SPTLC2: variants seen among roughly 807,000 people sequenced by gnomAD.
SPTLC2 encodes the protein serine palmitoyltransferase 2.
SPTLC2 carries 21 observed loss-of-function variants against 62.0 expected under a neutral mutation model. The ratio of observed to expected loss-of-function variants is 0.34; its 90% CI spans 0.24 to 0.49. SPTLC2 has a LOEUF of 0.49. SPTLC2 is among the 20% of genes least tolerant of loss of function. The probability of loss-of-function intolerance (pLI) is 0.99; values close to 1 mark genes in which losing one functional copy is unlikely to be tolerated. For missense variants in SPTLC2, 511 were observed against 713.0 expected (o/e 0.72, Z 3.23); for synonymous variants, 261 against 261.8 (o/e 1.00, Z 0.03).
intron 6 of SPTLC2, among the ~76,000 whole-genome samples, chr14:77,560,171 T>A (rs1198873391): frequency 3.3e-5 from 5 of 152,206 alleles, no homozygotes; most frequent in Admixed American, 3.3e-4. Context: ...GTAGGAACAG[T>A]CAATCTCATG....
rs892275554 is a variant in SPTLC2 at position 77,511,973 on chromosome 14, G to A, written c.*311C>T. 13 of 373,850 alleles carry A rather than the reference G, an allele frequency of 3.5e-5. No individual in the cohort carries two copies. Among genetic ancestry groups the A allele is most frequent in the Non-Finnish European group, 6.7e-5 (13 of 193,870 alleles). 23.2% of individuals were successfully genotyped at this position (373,850 alleles called of 1,614,324 possible). On this transcript the variant is annotated 3_prime_UTR_variant, in exon 12 of 12. Transcript: ENST00000216484. The stretch of plus-strand genomic sequence containing the variant: ...GAGAGGGGAATGGCCTGTGTGGTTA[G>A]CCAGAGACAGGCTAGGGTCAGCGTG...
chr14:77,581,007 G>A (rs78889789), intron 2 of SPTLC2, among the ~76,000 whole-genome samples: 7,342 of 152,316 alleles, frequency 0.048, 591 homozygotes, highest in African/African-American at 0.17. Flanking sequence ...TATGCCTGGT[G>A]TGGTATGACC....
At chr14:77,601,205 G>A (rs1476664067) in intron 1 of SPTLC2, among the ~76,000 whole-genome samples, 1 of 152,120 alleles carries the variant, frequency 6.6e-6, no homozygotes, top group African/African-American at 2.4e-5. Context: ...TATACATCTA[G>A]CTGGCCTGAA....
At chr14:77,602,687 C>T (rs929429172) in intron 1 of SPTLC2, among the ~76,000 whole-genome samples, 2 of 151,830 alleles carry the variant, frequency 1.3e-5, no homozygotes, top group Non-Finnish European at 2.9e-5. Context: ...GAAGCTGGGA[C>T]CACAGCACAA....
rs551528404 is a variant in SPTLC2 at position 77,582,425 on chromosome 14, A to T, written c.328-3316T>A. 9.8e-5 allele frequency among the ~76,000 whole-genome samples: 15 copies of T among 152,302 alleles called. No homozygotes were observed. In the South Asian group the frequency reaches 1.4e-3, roughly 15 times the overall value. ...AAAGTATTAACTCCAATATTAAGAG[A>T]AATATTTCCTTACAGACAAATTTTT... On this transcript the variant is annotated intron_variant, in intron 2 of 11. Transcript: ENST00000216484.
intron 5 of SPTLC2, among the ~76,000 whole-genome samples, chr14:77,570,083 C>A (rs998038335): frequency 3.3e-5 from 5 of 150,922 alleles, no homozygotes; most frequent in Non-Finnish European, 5.9e-5. Flanking sequence ...ATTAGCCAGG[C>A]GTGGTGGCAC....
rs140137090 is a variant in SPTLC2, at chr14:77,565,973, G to C, written c.757-3484C>G. Among the ~76,000 whole-genome samples, 810 of 152,266 alleles carry C rather than the reference G, an allele frequency of 5.3e-3. 9 individuals carry two copies. Among genetic ancestry groups the C allele is most frequent in the African/African-American group, 0.018 (757 of 41,552 alleles). On this transcript the variant is annotated intron_variant, in intron 5 of 11. Coordinates refer to ENST00000216484, the MANE Select transcript of SPTLC2 (RefSeq NM_004863.4). The stretch of plus-strand genomic sequence containing the variant: ...AAATTGAAAAAGCGAAACTGGGGGA[G>C]AAAATAAAGAGAAGTCAGATTTCTC...
In SPTLC2 at chr14:77,528,126, G is replaced by A. The variant is rs1433145820; in HGVS notation, c.1304-6545C>T. Among the ~76,000 whole-genome samples, 3 of 152,034 alleles carry A rather than the reference G, an allele frequency of 2.0e-5. 1 individual carries two copies. The highest frequency in any genetic ancestry group is 4.2e-4 in the South Asian group (2 of 4,816). ...ATGCTGATATATAATCTGTCTTCCT[G>A]GGGAAAATAAAATAAAATTACTGCT... On this transcript the variant is annotated intron_variant, in intron 9 of 11. Transcript: ENST00000216484.
Position 77,596,340 on chromosome 14 carries a change from A to AC in SPTLC2, c.327+845_327+846insG, listed in dbSNP as rs1182094413. Among the ~76,000 whole-genome samples, 115 of 150,556 alleles carry AC rather than the reference A, an allele frequency of 7.6e-4. 1 individual carries two copies. The South Asian group carries it at 0.019, about 25-fold the overall frequency. On this transcript the variant is annotated intron_variant, in intron 2 of 11. Coordinates refer to ENST00000216484, the MANE Select transcript of SPTLC2 (RefSeq NM_004863.4). ...GGCGACAGAGCAAGACTTGTCTCAA[A>AC]AAAAAAAAAAAAATTAGCCGGGCGT...
At chr14:77,610,178 T>C (rs1404165671) in intron 1 of SPTLC2, among the ~76,000 whole-genome samples, 1 of 152,118 alleles carries the variant, frequency 6.6e-6, no homozygotes, top group African/African-American at 2.4e-5. Context: ...AGTCTCACTG[T>C]CGCCCAAGCT....
At chr14:77,614,848 G>C (rs2079957325) in intron 1 of SPTLC2, among the ~76,000 whole-genome samples, 1 of 150,758 alleles carries the variant, frequency 6.6e-6, no homozygotes, top group African/African-American at 2.4e-5. Flanking sequence ...ACGGGCGCCT[G>C]TAATCCCAGC....
chr14:77,586,136 C>T (rs568430104), intron 2 of SPTLC2, among the ~76,000 whole-genome samples: 4 of 147,610 alleles, frequency 2.7e-5, no homozygotes, highest in East Asian at 2.0e-4. Flanking sequence ...AGTGCAGTGA[C>T]GCAATCTAGA....
chr14:77,538,573 T>C (rs764205319), intron 9 of SPTLC2, among the ~76,000 whole-genome samples: 2 of 152,116 alleles, frequency 1.3e-5, no homozygotes, highest in Admixed American at 1.3e-4. Context: ...TTTGGTTCTA[T>C]ATAAACTTTT....
chr14:77,552,800 C>T (rs544633215), intron 8 of SPTLC2, among the ~76,000 whole-genome samples: 11 of 104,734 alleles, frequency 1.1e-4, no homozygotes, highest in South Asian at 3.4e-4. Flanking sequence ...AGTGAGACTC[C>T]GTCTTAAAAA....
At position 77,540,238 on chromosome 14, in the gene SPTLC2, G is replaced by A. The variant is rs1048245049; in HGVS notation, c.1303+11858C>T. Among the ~76,000 whole-genome samples the A allele has an allele frequency of 4.7e-5, 7 of 149,144 alleles. No individual in the cohort carries two copies. In the South Asian group the frequency reaches 1.5e-3, roughly 31 times the overall value. On this transcript the variant is annotated intron_variant, in intron 9 of 11. Coordinates refer to ENST00000216484, the MANE Select transcript of SPTLC2 (RefSeq NM_004863.4). Reference sequence around the variant, plus strand: ...AAAAAAAAAAAAAAAGTAATAAGAAGGTCCTCTGGATATGTTTTGAAGATC... The same window carrying A: ...AAAAAAAAAAAAAAAGTAATAAGAAAGTCCTCTGGATATGTTTTGAAGATC...
At chr14:77,578,911 C>A (rs1175920978) in intron 3 of SPTLC2, 44 bp downstream of exon 3, 5 of 1,605,800 alleles carry the variant, frequency 3.1e-6, no homozygotes, top group South Asian at 2.2e-5. Context: ...AATGAAGAAA[C>A]CCTTTTGTAA....
rs1466995219 is a variant in SPTLC2 at position 77,506,444 on chromosome 14, TTAA to T, written c.*5837_*5839del. 3.9e-5 allele frequency: 6 copies of T among 152,226 alleles called. No homozygotes were observed. Among genetic ancestry groups the T allele is most frequent in the Non-Finnish European group, 5.9e-5 (4 of 68,034 alleles). The allele number at this position is 152,226 out of a possible 1,614,324, so 9.4% of individuals were successfully genotyped here. ...TCTCTTCTTCTCTTTCCCCCTTCTC[TTAA>T]TGTTAGCTGCCTGTTACAGAGAGGG... is the stretch of plus-strand genomic sequence containing the variant. On this transcript the variant is annotated 3_prime_UTR_variant, in exon 12 of 12. Coordinates refer to ENST00000216484, the MANE Select transcript of SPTLC2 (RefSeq NM_004863.4).
At chr14:77,548,323 T>C (rs1029932871) in intron 9 of SPTLC2, among the ~76,000 whole-genome samples, 3 of 152,242 alleles carry the variant, frequency 2.0e-5, no homozygotes, top group Admixed American at 2.0e-4. Flanking sequence ...GAAAGGATCC[T>C]AGATGTCACA....
Position 77,545,394 on chromosome 14 carries a change from G to A in SPTLC2, c.1303+6702C>T, listed in dbSNP as rs191589459. Among the ~76,000 whole-genome samples the A allele has an allele frequency of 7.2e-5, 11 of 152,038 alleles. No homozygotes were observed. In the East Asian group the frequency reaches 2.1e-3, roughly 29 times the overall value. On this transcript the variant is annotated intron_variant, in intron 9 of 11. Coordinates refer to ENST00000216484, the MANE Select transcript of SPTLC2 (RefSeq NM_004863.4). ...CCATTCTCCTCCATCAGCCTCCCAA[G>A]TAGCTGGGATTGCAGGCATGCGCCA...
Sources: allele counts gnomAD v4.1 joint callset (sites outside exome capture counted in the v4.1 genomes callset), GRCh38; gene constraint gnomAD v4.1.1; transcripts MANE v1.5; gene names NCBI Gene and HGNC (gene_info 2026-07-23, HGNC 2026-07-21).